Variants in ARHGAP26 observed in about 807,000 individuals in gnomAD.
ARHGAP26 encodes rho GTPase-activating protein 26.
Under a neutral mutation model 104.8 loss-of-function variants are expected in ARHGAP26, and 38 were observed. The observed-to-expected ratio is 0.36, with a 90% confidence interval of 0.28 to 0.48. The LOEUF (loss-of-function observed/expected upper bound fraction) is 0.48. Ranked by LOEUF, ARHGAP26 falls within the 20% of genes least tolerant of loss-of-function variation. The probability of loss-of-function intolerance (pLI) is 0.99; values close to 1 mark genes in which losing one functional copy is unlikely to be tolerated. For synonymous variants in ARHGAP26, 341 were observed against 340.0 expected (o/e 1.00, Z -0.03); for missense variants, 704 against 947.9 (o/e 0.74, Z 3.38).
At chr5:142,844,051 GT>G (rs34122289) in intron 1 of ARHGAP26, among the ~76,000 whole-genome samples, 1,372 of 132,128 alleles carry the variant, frequency 0.01, 8 homozygotes, top group Admixed American at 0.026. Flanking sequence ...CTAAAAGTGA[GT>G]TTTTTTTTTT....
At chr5:142,775,895 G>A (rs1756219906) in intron 1 of ARHGAP26, among the ~76,000 whole-genome samples, 1 of 152,106 alleles carries the variant, frequency 6.6e-6, no homozygotes, top group South Asian at 2.1e-4. Context: ...CTCTTTTAAA[G>A]TCATAAAAAT....
chr5:142,796,009 G>A (rs1760910927), intron 1 of ARHGAP26, among the ~76,000 whole-genome samples: 1 of 150,718 alleles, frequency 6.6e-6, no homozygotes, highest in South Asian at 2.1e-4. Flanking sequence ...TACTTATCTT[G>A]TTTTAACATG....
chr5:142,794,519 A>G (rs902671835), intron 1 of ARHGAP26, among the ~76,000 whole-genome samples: 1 of 152,242 alleles, frequency 6.6e-6, no homozygotes, highest in Non-Finnish European at 1.5e-5. Context: ...TTGGGCGATC[A>G]GGCTGTGGTT....
intron 11 of ARHGAP26, among the ~76,000 whole-genome samples, chr5:142,987,743 A>G (rs189447522): frequency 0.013 from 1,989 of 152,270 alleles, 28 homozygotes; most frequent in African/African-American, 0.034. Context: ...TTCTGTATCT[A>G]TTGAGATAAT....
chr5:143,149,739 G>A (rs1489611599), intron 20 of ARHGAP26, among the ~76,000 whole-genome samples: 1 of 152,200 alleles, frequency 6.6e-6, no homozygotes, highest in Non-Finnish European at 1.5e-5. Context: ...AGATCCTCCA[G>A]TGGGAACACT....
chr5:143,120,885 G>A (rs556396799), intron 17 of ARHGAP26, 103 bp from the exon 18 acceptor site: 1 of 1,205,068 alleles, frequency 8.3e-7, no homozygotes, highest in East Asian at 2.5e-5. Flanking sequence ...GGCTCCTACA[G>A]ATGAGGAGTC....
intron 11 of ARHGAP26, among the ~76,000 whole-genome samples, chr5:142,979,884 G>A (rs1773669865): frequency 6.6e-6 from 1 of 152,210 alleles, no homozygotes; most frequent in African/African-American, 2.4e-5. Context: ...TCCCTGGCCA[G>A]CAGCTGGAAA....
intron 21 of ARHGAP26, among the ~76,000 whole-genome samples, chr5:143,211,020 A>G (rs1037487555): frequency 2.6e-5 from 4 of 152,210 alleles, no homozygotes; most frequent in African/African-American, 9.7e-5. Context: ...TTTTTTTATC[A>G]GAGCCAAAGC....
In ARHGAP26 at chr5:142,863,342, C is replaced by T. The variant is rs144494244; in HGVS notation, c.155-10058C>T. 4.5e-3 allele frequency among the ~76,000 whole-genome samples: 692 copies of T among 152,234 alleles called. 3 individuals are homozygous for T. The highest frequency in any genetic ancestry group is 0.014 in the Middle Eastern group (4 of 294). On this transcript the variant is annotated intron_variant, in intron 1 of 22. Coordinates refer to ENST00000645722, the MANE Select transcript of ARHGAP26 (RefSeq NM_001135608.3). ...CAGGCTGGTCTTGAACTCCTGACCT[C>T]GTGATCCGCCCACCTCGGCCTCCCA...
At chr5:143,192,195 A>G (rs940219174) in intron 20 of ARHGAP26, among the ~76,000 whole-genome samples, 3 of 152,256 alleles carry the variant, frequency 2.0e-5, no homozygotes, top group African/African-American at 2.4e-5. Context: ...CCAAGGAGAA[A>G]GATCTAACTC....
chr5:143,146,179 C>T (rs1040160422), intron 19 of ARHGAP26, among the ~76,000 whole-genome samples: 6 of 152,204 alleles, frequency 3.9e-5, no homozygotes, highest in African/African-American at 1.4e-4. Context: ...ACAAGAATCA[C>T]ATTCCACATC....
At chr5:143,135,173 G>A (rs1232766410) in intron 19 of ARHGAP26, among the ~76,000 whole-genome samples, 4 of 152,364 alleles carry the variant, frequency 2.6e-5, no homozygotes, top group East Asian at 3.9e-4. Flanking sequence ...GCCCCAGGTC[G>A]TCTGGGTGTG....
At chr5:143,041,714 G>C in intron 13 of ARHGAP26, 102 bp from the exon 14 acceptor site, 1 of 809,128 alleles carries the variant, frequency 1.2e-6, no homozygotes, top group Non-Finnish European at 1.9e-6. Flanking sequence ...TAGGAGGACT[G>C]AGAAAATGAA....
At chr5:142,804,810 T>A (rs549693829) in intron 1 of ARHGAP26, among the ~76,000 whole-genome samples, 2 of 152,194 alleles carry the variant, frequency 1.3e-5, no homozygotes, top group African/African-American at 4.8e-5. Context: ...TTTTTTTTTT[T>A]AAACTTTTTA....
chr5:143,114,143 T>G (rs1270067975), intron 17 of ARHGAP26, among the ~76,000 whole-genome samples: 1 of 152,196 alleles, frequency 6.6e-6, no homozygotes, highest in Non-Finnish European at 1.5e-5. Flanking sequence ...TATTTCAGGC[T>G]TCCTGTCTGG....
intron 1 of ARHGAP26, among the ~76,000 whole-genome samples, chr5:142,868,307 G>C (rs1459666189): frequency 1.3e-5 from 2 of 152,210 alleles, no homozygotes; most frequent in East Asian, 3.9e-4. Flanking sequence ...CTGGAGCCCA[G>C]AGAGGGGTGT....
At chr5:143,049,641 C>T (rs1314640773) in intron 14 of ARHGAP26, among the ~76,000 whole-genome samples, 1 of 152,184 alleles carries the variant, frequency 6.6e-6, no homozygotes, top group Non-Finnish European at 1.5e-5. Context: ...TTTAAGCTCA[C>T]TGTGGATAGA....
intron 5 of ARHGAP26, among the ~76,000 whole-genome samples, chr5:142,889,694 C>A (rs902995222): frequency 1.3e-5 from 2 of 152,060 alleles, no homozygotes; most frequent in African/African-American, 2.4e-5. Flanking sequence ...ATAACATAGT[C>A]AATGAAAGCC....
intron 14 of ARHGAP26, among the ~76,000 whole-genome samples, chr5:143,043,307 T>C (rs879490214): frequency 6.6e-6 from 1 of 152,198 alleles, no homozygotes; most frequent in Non-Finnish European, 1.5e-5. Flanking sequence ...ATACAGAACC[T>C]TTTGGGATTG....
Sources: allele counts gnomAD v4.1 joint callset (sites outside exome capture counted in the v4.1 genomes callset), GRCh38; gene constraint gnomAD v4.1.1; transcripts MANE v1.5; gene names NCBI Gene and HGNC (gene_info 2026-07-23, HGNC 2026-07-21).